Variants in RBFOX1 observed in about 807,000 individuals in gnomAD.
The protein encoded by RBFOX1 is RNA binding protein fox-1 homolog 1.
Under a neutral mutation model 57.7 loss-of-function variants are expected in RBFOX1, and 8 were observed. That is an observed-to-expected ratio of 0.14 (90% confidence interval 0.08 to 0.25). The LOEUF (loss-of-function observed/expected upper bound fraction) is 0.25, where lower values mean the gene tolerates loss of function less well. Ranked by LOEUF, RBFOX1 falls within the 10% of genes least tolerant of loss-of-function variation. The pLI is 1.00. For missense variants in RBFOX1, 611 were observed against 548.5 expected (o/e 1.11, Z -1.14); for synonymous variants, 326 against 222.4 (o/e 1.47, Z -4.15).
intron 1 of RBFOX1, among the ~76,000 whole-genome samples, chr16:5,292,490 G>A (rs1217881486): frequency 6.6e-6 from 1 of 152,126 alleles, no homozygotes; most frequent in African/African-American, 2.4e-5. Context: ...GCTGTGATTT[G>A]TTTTTCCTTT....
At chr16:5,524,722 G>A (rs1210131337) in intron 2 of RBFOX1, among the ~76,000 whole-genome samples, 2 of 151,898 alleles carry the variant, frequency 1.3e-5, no homozygotes, top group Non-Finnish European at 2.9e-5. Context: ...TGTATTTTTA[G>A]TAGAGACAGG....
intron 4 of RBFOX1, among the ~76,000 whole-genome samples, chr16:7,464,009 G>C (rs768064444): frequency 6.6e-6 from 1 of 152,210 alleles, no homozygotes; most frequent in Non-Finnish European, 1.5e-5. Flanking sequence ...TGAGACCCTA[G>C]CCAGGAGGTC....
chr16:6,167,156 A>G (rs1400161731), intron 1 of RBFOX1, among the ~76,000 whole-genome samples: 3 of 152,246 alleles, frequency 2.0e-5, no homozygotes, highest in Non-Finnish European at 2.9e-5. Context: ...TGCTAAAAGA[A>G]GGGCAAAGGG....
intron 1 of RBFOX1, chr16:5,366,432 A>T (rs1474071395): frequency 2.2e-6 from 1 of 449,150 alleles, no homozygotes; most frequent in Non-Finnish European, 4.3e-6. Context: ...AAGTCAAATC[A>T]AAATGAAAAG....
rs752497583 is a variant in RBFOX1, at chr16:6,538,016, C to G, written c.-63-116587C>G. 1.1e-3 allele frequency among the ~76,000 whole-genome samples: 173 copies of G among 151,412 alleles called. 1 individual carries two copies. The highest frequency in any genetic ancestry group is 2.3e-3 in the Non-Finnish European group (157 of 67,886). ...CTTTGTTTATATTTCTACTTTCAAA[C>G]TTTTTTATTCAGGTAAAATTCACAT... is the stretch of plus-strand genomic sequence containing the variant. On this transcript the variant is annotated intron_variant, in intron 2 of 15. Transcript: ENST00000550418.
chr16:7,707,413 A>C (rs186388695), intron 14 of RBFOX1, among the ~76,000 whole-genome samples: 21 of 152,258 alleles, frequency 1.4e-4, no homozygotes, highest in Middle Eastern at 6.8e-3. Context: ...AGGAAAGGAG[A>C]GGGAAAAGGT....
At chr16:6,690,232 T>A (rs2060010575) in intron 3 of RBFOX1, among the ~76,000 whole-genome samples, 1 of 152,148 alleles carries the variant, frequency 6.6e-6, no homozygotes, top group Admixed American at 6.6e-5. Flanking sequence ...AGAGCATGAC[T>A]CTCTAAGAAG....
chr16:5,804,576 A>G (rs1387675451), intron 3 of RBFOX1, among the ~76,000 whole-genome samples: 1 of 152,126 alleles, frequency 6.6e-6, no homozygotes, highest in Non-Finnish European at 1.5e-5. Context: ...TTCCACCCAG[A>G]TGGTGGGAGG....
intron 3 of RBFOX1, among the ~76,000 whole-genome samples, chr16:5,710,299 G>A (rs2051437981): frequency 6.6e-6 from 1 of 152,142 alleles, no homozygotes; most frequent in African/African-American, 2.4e-5. Flanking sequence ...GCGAGGCTTG[G>A]CAACCATGCT....
intron 3 of RBFOX1, among the ~76,000 whole-genome samples, chr16:7,050,776 C>T (rs1300618838): frequency 6.6e-6 from 1 of 152,046 alleles, no homozygotes; most frequent in Non-Finnish European, 1.5e-5. Context: ...TCCATTATCA[C>T]ACATAATGTT....
chr16:6,737,522 C>G (rs191546942), intron 3 of RBFOX1, among the ~76,000 whole-genome samples: 94 of 152,298 alleles, frequency 6.2e-4, no homozygotes, highest in African/African-American at 2.1e-3. Flanking sequence ...TGGCTATGAA[C>G]TTTCTGGAAG....
At chr16:6,904,229 G>A (rs1213059079) in intron 3 of RBFOX1, among the ~76,000 whole-genome samples, 1 of 152,140 alleles carries the variant, frequency 6.6e-6, no homozygotes, top group Non-Finnish European at 1.5e-5. Context: ...GCACATGTGT[G>A]TTCTAAACTG....
At chr16:7,530,008 C>CA (rs35251344) in intron 5 of RBFOX1, among the ~76,000 whole-genome samples, 8,674 of 124,996 alleles carry the variant, frequency 0.069, 1,021 homozygotes, top group African/African-American at 0.23. Context: ...GACTCCATCT[C>CA]AAAAAAAAAA....
rs191697962 is a variant in RBFOX1 at position 7,107,797 on chromosome 16, A to G, written c.27+55699A>G. Among the ~76,000 whole-genome samples, 283 of 152,180 alleles carry G rather than the reference A, an allele frequency of 1.9e-3. 1 individual carries two copies. Among genetic ancestry groups the G allele is most frequent in the African/African-American group, 6.0e-3 (250 of 41,542 alleles). ...AAAAGTATTCTAATCTTTTTTCCAT[A>G]TGTCTTTTTGTGTCTGAAAAGGATC... On this transcript the variant is annotated intron_variant, in intron 4 of 15. Transcript: ENST00000550418.
At chr16:5,921,757 G>A (rs1449788748) in intron 4 of RBFOX1, among the ~76,000 whole-genome samples, 4 of 152,050 alleles carry the variant, frequency 2.6e-5, no homozygotes, top group Non-Finnish European at 4.4e-5. Context: ...GCCTCAGGAA[G>A]CTTCCAATTA....
At chr16:5,996,219 T>A (rs1022980125) in intron 4 of RBFOX1, among the ~76,000 whole-genome samples, 1 of 152,090 alleles carries the variant, frequency 6.6e-6, no homozygotes, top group Non-Finnish European at 1.5e-5. Flanking sequence ...ACAGTGGTCA[T>A]TTTCCACGAG....
chr16:5,900,064 C>A (rs529308394), intron 4 of RBFOX1, among the ~76,000 whole-genome samples: 1 of 152,158 alleles, frequency 6.6e-6, no homozygotes, highest in Non-Finnish European at 1.5e-5. Context: ...GGTGACAGAG[C>A]AAGACTCTGT....
chr16:5,423,304 C>A (rs1460805468), intron 1 of RBFOX1, among the ~76,000 whole-genome samples: 1 of 152,046 alleles, frequency 6.6e-6, no homozygotes, highest in Non-Finnish European at 1.5e-5. Flanking sequence ...ACCACAGACC[C>A]TGTTCACTGT....
intron 4 of RBFOX1, among the ~76,000 whole-genome samples, chr16:7,417,181 C>A (rs2098486260): frequency 6.6e-6 from 1 of 151,842 alleles, no homozygotes; most frequent in Non-Finnish European, 1.5e-5. Context: ...ACCATCCTGG[C>A]CAACATGGTG....
Sources: allele counts gnomAD v4.1 joint callset (sites outside exome capture counted in the v4.1 genomes callset), GRCh38; gene constraint gnomAD v4.1.1; transcripts MANE v1.5; gene names NCBI Gene and HGNC (gene_info 2026-07-23, HGNC 2026-07-21).